AKT3: variants seen among roughly 807,000 people sequenced by gnomAD.
AKT3 encodes the protein AKT serine/threonine kinase 3.
Under a neutral mutation model 65.3 loss-of-function variants are expected in AKT3, and 15 were observed. The observed-to-expected ratio is 0.23, with a 90% CI of 0.15 to 0.35. AKT3 has a LOEUF of 0.35. AKT3 is among the 10% of genes least tolerant of loss of function. AKT3 has a pLI of 1.00. For missense variants in AKT3, 243 were observed against 576.5 expected, an observed-to-expected ratio of 0.42 and a Z score of 5.92; for synonymous variants, 206 against 183.8, an observed-to-expected ratio of 1.12 and a Z score of -0.98.
chr1:243,614,247 C>A (rs544865913), intron 7 of AKT3, among the ~76,000 whole-genome samples: 42 of 152,042 alleles, frequency 2.8e-4, no homozygotes, highest in Non-Finnish European at 5.3e-4. Flanking sequence ...TTAAAAAATA[C>A]CCAAATGCTA....
chr1:243,691,117 T>C (rs575930389), intron 3 of AKT3, among the ~76,000 whole-genome samples: 1 of 152,330 alleles, frequency 6.6e-6, no homozygotes, highest in Admixed American at 6.5e-5. Context: ...AATTAAAATC[T>C]GAATTAAGTC....
intron 9 of AKT3, among the ~76,000 whole-genome samples, chr1:243,566,912 A>G (rs553455388): frequency 3.3e-5 from 5 of 152,300 alleles, no homozygotes; most frequent in Middle Eastern, 3.4e-3. Flanking sequence ...CAAGAGTGGA[A>G]CCCCATAAAA....
intron 1 of AKT3, among the ~76,000 whole-genome samples, chr1:243,844,893 A>C (rs987904971): frequency 6.6e-6 from 1 of 152,200 alleles, no homozygotes; most frequent in African/African-American, 2.4e-5. Flanking sequence ...AAATGCCAAC[A>C]TAAAATTAGT....
At chr1:243,522,107 A>G (rs1670755657) in intron 12 of AKT3, among the ~76,000 whole-genome samples, 1 of 152,204 alleles carries the variant, frequency 6.6e-6, no homozygotes, top group Non-Finnish European at 1.5e-5. Context: ...AAGATTTTGC[A>G]CCTAGTAGTG....
intron 2 of AKT3, among the ~76,000 whole-genome samples, chr1:243,810,207 A>T (rs938743776): frequency 6.6e-6 from 1 of 152,210 alleles, no homozygotes; most frequent in Non-Finnish European, 1.5e-5. Context: ...GAGACATAAA[A>T]AACCCTTCAA....
rs34770465 is a variant in AKT3, at chr1:243,757,766, C to CT, written c.47-62051dup. ...TTGATACAGATTTATCTAATTAATA[C>CT]TTTTTTTTTTTTCATATGGAATCTT... On this transcript the variant is annotated intron_variant, in intron 2 of 13. Coordinates refer to ENST00000673466, the MANE Select transcript of AKT3 (RefSeq NM_005465.7). Among the ~76,000 whole-genome samples the CT allele has an allele frequency of 9.5e-4, 140 of 147,598 alleles. 2 individuals carry two copies. Among genetic ancestry groups the CT allele is most frequent in the African/African-American group, 1.8e-3 (72 of 40,370 alleles).
intron 8 of AKT3, chr1:243,613,128 T>C (rs1384640355): frequency 6.9e-6 from 1 of 144,664 alleles, no homozygotes; most frequent in African/African-American, 2.5e-5. Flanking sequence ...TATATACATA[T>C]ACATATATAC....
chr1:243,571,984 CCA>C (rs1219050634), intron 9 of AKT3, among the ~76,000 whole-genome samples: 2 of 152,140 alleles, frequency 1.3e-5, no homozygotes, highest in Non-Finnish European at 2.9e-5. Context: ...TCTGTTTCTA[CCA>C]ATCATTACGT....
chr1:243,530,744 G>A (rs547965685), intron 12 of AKT3, among the ~76,000 whole-genome samples: 1 of 152,246 alleles, frequency 6.6e-6, no homozygotes, highest in East Asian at 1.9e-4. Context: ...TTGGTTTTTT[G>A]AAAGAATTAA....
At position 243,499,815 on chromosome 1, in the gene AKT3, T is replaced by A; in HGVS notation, c.*5434A>T. 6.2e-7 allele frequency: 1 copy of A among 1,605,394 alleles called. No homozygotes were observed. Among genetic ancestry groups the A allele is most frequent in the East Asian group, 2.2e-5 (1 of 44,824 alleles). Reference sequence around the variant, plus strand: ...GATGGAACAGAGTGAAATAAATGATTTACAAAGAGATATTTACATTCATCT... The same window carrying A: ...GATGGAACAGAGTGAAATAAATGATATACAAAGAGATATTTACATTCATCT... On this transcript the variant is annotated 3_prime_UTR_variant, in exon 14 of 14. Coordinates refer to ENST00000673466, the MANE Select transcript of AKT3 (RefSeq NM_005465.7).
intron 10 of AKT3, among the ~76,000 whole-genome samples, chr1:243,562,416 A>G (rs1391935268): frequency 6.6e-6 from 1 of 152,220 alleles, no homozygotes; most frequent in Admixed American, 6.5e-5. Flanking sequence ...AACTCTGTGA[A>G]CATATTAAAA....
chr1:243,730,634 C>T, intron 2 of AKT3, among the ~76,000 whole-genome samples: 1 of 152,158 alleles, frequency 6.6e-6, no homozygotes, highest in East Asian at 1.9e-4. Context: ...TGGAGCTGGG[C>T]CAGCCTGGGA....
chr1:243,804,578 G>A (rs1421209364), intron 2 of AKT3, among the ~76,000 whole-genome samples: 1 of 152,134 alleles, frequency 6.6e-6, no homozygotes, highest in Non-Finnish European at 1.5e-5. Context: ...CGGATGCGGT[G>A]GCTCACGCCT....
At chr1:243,850,805 C>G (rs1021880640), upstream of AKT3, among the ~76,000 whole-genome samples, 47 of 152,094 alleles carry the variant, frequency 3.1e-4, no homozygotes, top group African/African-American at 1.0e-3. Flanking sequence ...GAACATCCCC[C>G]TAGCCAGCCA....
intron 2 of AKT3, among the ~76,000 whole-genome samples, chr1:243,715,286 G>GGT (rs2148090556): frequency 6.6e-6 from 1 of 152,096 alleles, no homozygotes; most frequent in African/African-American, 2.4e-5. Flanking sequence ...AAATAAACTT[G>GGT]GTCACCCACT....
chr1:243,796,376 G>T lies in AKT3; in HGVS notation c.46+46749C>A, dbSNP rs77784805. On this transcript the variant is annotated intron_variant, in intron 2 of 13. Transcript: ENST00000673466. ...TTTCTCAAAGTCCGATCACAGACTT[G>T]CATTAGAATCCACAAGGATGCTTGT... 3.1e-3 allele frequency among the ~76,000 whole-genome samples: 468 copies of T among 152,306 alleles called. 5 individuals are homozygous for T. Among genetic ancestry groups the T allele is most frequent in the African/African-American group, 0.011 (444 of 41,562 alleles).
In AKT3 at chr1:243,843,207, G is replaced by A. The variant is rs1275757173; in HGVS notation, c.-37C>T. 6 of 1,608,310 alleles carry A rather than the reference G, an allele frequency of 3.7e-6. No individual in the cohort carries two copies. Among genetic ancestry groups the A allele is most frequent in the Non-Finnish European group, 5.1e-6 (6 of 1,176,952 alleles). On this transcript the variant is annotated 5_prime_UTR_variant, in exon 2 of 14. Coordinates refer to ENST00000673466, the MANE Select transcript of AKT3 (RefSeq NM_005465.7). Reference sequence around the variant, plus strand: ...TCTGAGCCCCCAACTTGGAGAAATGGTACTTTGTGATATCAGCTTTAGGGT... The same window carrying A: ...TCTGAGCCCCCAACTTGGAGAAATGATACTTTGTGATATCAGCTTTAGGGT...
intron 1 of AKT3, among the ~76,000 whole-genome samples, chr1:243,846,637 GTTAT>G (rs1443407010): frequency 2.0e-5 from 3 of 152,086 alleles, no homozygotes; most frequent in African/African-American, 4.8e-5. Context: ...AAACATTTGA[GTTAT>G]TTAATTTGGC....
At chr1:243,528,214 C>T (rs1359971116) in intron 12 of AKT3, among the ~76,000 whole-genome samples, 2 of 152,204 alleles carry the variant, frequency 1.3e-5, no homozygotes, top group African/African-American at 2.4e-5. Flanking sequence ...CTATGTAGCT[C>T]CAATTTCACA....
Sources: allele counts gnomAD v4.1 joint callset (sites outside exome capture counted in the v4.1 genomes callset), GRCh38; gene constraint gnomAD v4.1.1; transcripts MANE v1.5; gene names NCBI Gene and HGNC (gene_info 2026-07-23, HGNC 2026-07-21).